Variants in SEMA3E observed in about 807,000 individuals in gnomAD.
SEMA3E encodes the protein semaphorin 3E.
A neutral mutation model predicts 93.6 loss-of-function variants in SEMA3E; 49 were observed. The observed-to-expected ratio is 0.52, with a 90% confidence interval of 0.42 to 0.66. The LOEUF is 0.66. SEMA3E is among the 30% of genes least tolerant of loss of function. The pLI is 0.00. For synonymous variants in SEMA3E, 363 were observed against 330.7 expected (o/e 1.10, Z -1.06); for missense variants, 906 against 964.8 (o/e 0.94, Z 0.81).
At chr7:83,630,884 AT>A (rs1411920614) in intron 1 of SEMA3E, among the ~76,000 whole-genome samples, 2 of 152,184 alleles carry the variant, frequency 1.3e-5, no homozygotes, top group South Asian at 2.1e-4. Flanking sequence ...AATTATGAAT[AT>A]TTTTAACGCA....
intron 4 of SEMA3E, among the ~76,000 whole-genome samples, chr7:83,420,029 T>A (rs547957682): frequency 6.6e-6 from 1 of 152,292 alleles, no homozygotes; most frequent in Admixed American, 6.5e-5. Context: ...ATTGATTCTA[T>A]ACCTAGAAAA....
Position 83,400,087 on chromosome 7 carries a change from AT to A in SEMA3E, c.1306del (p.Ile436Ter). 1 of 1,613,988 alleles carries A rather than the reference AT, an allele frequency of 6.2e-7. No homozygotes were observed. On this transcript the variant is annotated frameshift_variant, in exon 11 of 17. Coordinates refer to ENST00000643230, the MANE Select transcript of SEMA3E (RefSeq NM_012431.3). LOFTEE classifies it high-confidence loss of function. ...KTDGKYNLKQ[I>X]AVDRVEAEDG... ...CTCAGCTTCCACTCGATCTACTGCT[AT>A]TTGTTTCAGGTTATATTTTCCATCT...
chr7:83,590,463 A>G (rs1792735712), intron 1 of SEMA3E, among the ~76,000 whole-genome samples: 1 of 152,108 alleles, frequency 6.6e-6, no homozygotes, highest in South Asian at 2.1e-4. Flanking sequence ...CAGAACCCCT[A>G]TTTTGTCTGA....
At chr7:83,478,909 T>C (rs112264642) in intron 2 of SEMA3E, among the ~76,000 whole-genome samples, 2,138 of 152,350 alleles carry the variant, frequency 0.014, 51 homozygotes, top group African/African-American at 0.049. Context: ...TGCTACTTAC[T>C]GGCCTCATGG....
At chr7:83,487,682 C>CATGTGT (rs3221662) in intron 2 of SEMA3E, among the ~76,000 whole-genome samples, 3 of 144,434 alleles carry the variant, frequency 2.1e-5, no homozygotes, top group Non-Finnish European at 4.5e-5. Flanking sequence ...GGCAGGAGGT[C>CATGTGT]GTGTGTGTGT....
intron 1 of SEMA3E, among the ~76,000 whole-genome samples, chr7:83,639,129 A>AACAAAC (rs1562866036): frequency 5.7e-5 from 8 of 139,508 alleles, no homozygotes; most frequent in African/African-American, 2.2e-4. Flanking sequence ...AAAAAAAAAA[A>AACAAAC]AAAAAAAAAA....
At chr7:83,550,600 C>T (rs536202798) in intron 1 of SEMA3E, among the ~76,000 whole-genome samples, 2 of 152,064 alleles carry the variant, frequency 1.3e-5, no homozygotes, top group South Asian at 2.1e-4. Flanking sequence ...AAAACACATG[C>T]CATTTAAAGA....
intron 1 of SEMA3E, among the ~76,000 whole-genome samples, chr7:83,571,002 A>T (rs910103545): frequency 4.0e-5 from 6 of 151,562 alleles, no homozygotes; most frequent in Non-Finnish European, 7.4e-5. Flanking sequence ...TGAACCAGGG[A>T]TGGACCAAGA....
intron 1 of SEMA3E, among the ~76,000 whole-genome samples, chr7:83,606,882 A>G (rs1793133681): frequency 6.6e-6 from 1 of 152,176 alleles, no homozygotes; most frequent in Admixed American, 6.5e-5. Flanking sequence ...GAGATTTGCT[A>G]AAGTGAAGCT....
intron 4 of SEMA3E, among the ~76,000 whole-genome samples, chr7:83,430,255 A>G (rs1788853951): frequency 6.6e-6 from 1 of 152,114 alleles, no homozygotes; most frequent in Non-Finnish European, 1.5e-5. Flanking sequence ...ACTTGAGGCC[A>G]GGAGTTCAGG....
chr7:83,492,864 A>G (rs928139504), intron 1 of SEMA3E, among the ~76,000 whole-genome samples: 2 of 151,982 alleles, frequency 1.3e-5, no homozygotes, highest in African/African-American at 4.8e-5. Flanking sequence ...GTCATACACT[A>G]TTACAATGAA....
intron 1 of SEMA3E, among the ~76,000 whole-genome samples, chr7:83,508,833 A>C (rs899459416): frequency 3.3e-5 from 5 of 152,192 alleles, no homozygotes; most frequent in Non-Finnish European, 7.4e-5. Context: ...ATTAATTTCC[A>C]ATGTAATTGA....
chr7:83,428,656 C>T (rs1166962358), intron 4 of SEMA3E, among the ~76,000 whole-genome samples: 3 of 151,838 alleles, frequency 2.0e-5, no homozygotes, highest in Non-Finnish European at 2.9e-5. Flanking sequence ...ACTAAATAAA[C>T]AAGCAGAAAA....
At chr7:83,483,513 A>G (rs2255969) in intron 2 of SEMA3E, among the ~76,000 whole-genome samples, 151,215 of 152,276 alleles carry the variant, frequency 0.99, 75,087 homozygotes, top group Middle Eastern at 1. Context: ...GCATTTAAGG[A>G]TCCCTAGGTT....
At chr7:83,599,706 G>A (rs909988458) in intron 1 of SEMA3E, among the ~76,000 whole-genome samples, 4 of 152,150 alleles carry the variant, frequency 2.6e-5, no homozygotes, top group Admixed American at 6.5e-5. Context: ...AGAATGGTAT[G>A]AGCAGAATAA....
chr7:83,418,947 G>T (rs1412424532), intron 4 of SEMA3E, among the ~76,000 whole-genome samples: 1 of 151,880 alleles, frequency 6.6e-6, no homozygotes, highest in East Asian at 1.9e-4. Context: ...TTGTTATATG[G>T]CCTTATTGTG....
At position 83,392,645 on chromosome 7, in the gene SEMA3E, C is replaced by T; in HGVS notation, c.1577G>A (p.Cys526Tyr). The stretch of plus-strand genomic sequence containing the variant: ...GTCTCGAGCCAGGCAGCAGTCAGCA[C>T]AAGCACTTCCATACATGTCACAGTG... ...FHHCDMYGSA[C>Y]ADCCLARDPY... Residue 526 changes from cysteine (C) to tyrosine (Y), a missense_variant, in exon 14 of 17, where the codon TGT becomes TAT. Coordinates refer to ENST00000643230, the MANE Select transcript of SEMA3E (RefSeq NM_012431.3). 1 of 1,613,910 alleles carries T rather than the reference C, an allele frequency of 6.2e-7. No homozygotes were observed. The highest frequency in any genetic ancestry group is 8.5e-7 in the Non-Finnish European group (1 of 1,179,902).
At chr7:83,485,784 G>A (rs112416414) in intron 2 of SEMA3E, among the ~76,000 whole-genome samples, 3 of 152,262 alleles carry the variant, frequency 2.0e-5, no homozygotes, top group South Asian at 2.1e-4. Flanking sequence ...GGGAGAAGAC[G>A]AAGGTAGCTG....
intron 1 of SEMA3E, among the ~76,000 whole-genome samples, chr7:83,636,387 G>A (rs1484737477): frequency 1.3e-5 from 2 of 152,076 alleles, no homozygotes; most frequent in African/African-American, 4.8e-5. Context: ...GTTAGGAATT[G>A]TATGTGGTAT....
Sources: gnomAD v4.1 joint callset for allele counts (sites outside exome capture counted in the v4.1 genomes callset) on GRCh38, gnomAD v4.1.1 for gene constraint, MANE v1.5 for transcripts, NCBI Gene and HGNC (gene_info 2026-07-23, HGNC 2026-07-21) for gene names.